The following ZNF385D variants were observed in gnomAD, a reference collection of about 807,000 sequenced individuals.
ZNF385D encodes zinc finger protein 659.
Under a neutral mutation model 35.8 loss-of-function variants are expected in ZNF385D, and 15 were observed. The ratio of observed to expected loss-of-function variants is 0.42; its 90% CI spans 0.28 to 0.64. The LOEUF (loss-of-function observed/expected upper bound fraction) is 0.64, where lower values mean the gene tolerates loss of function less well. ZNF385D is among the 30% of genes least tolerant of loss of function. The pLI is 0.23. For synonymous variants in ZNF385D, 212 were observed against 186.8 expected, an observed-to-expected ratio of 1.13 and a Z score of -1.10; for missense variants, 474 against 494.6, an observed-to-expected ratio of 0.96 and a Z score of 0.39.
In ZNF385D at chr3:21,420,337, T is replaced by G. The variant is rs1158792001; in HGVS notation, c.*877A>C. On this transcript the variant is annotated 3_prime_UTR_variant, in exon 8 of 8. Transcript: ENST00000281523. ...CCTTGAAATAGAAGAGTTGTATTGA[T>G]TTCTTTCTTAACACTCATGATGCAT... 1 of 152,210 alleles carries G rather than the reference T, an allele frequency of 6.6e-6. No homozygotes were observed. The highest frequency in any genetic ancestry group is 1.5e-5 in the Non-Finnish European group (1 of 68,022). 9.4% of individuals were successfully genotyped at this position (152,210 alleles called of 1,614,324 possible).
At chr3:22,122,400 T>C (rs1017926763) in intron 3 of ZNF385D, among the ~76,000 whole-genome samples, 5 of 152,100 alleles carry the variant, frequency 3.3e-5, no homozygotes, top group Admixed American at 6.6e-5. Context: ...CCAATAATAG[T>C]ATTTTCTCAA....
chr3:22,128,515 T>C (rs534655832), intron 3 of ZNF385D, among the ~76,000 whole-genome samples: 5 of 152,318 alleles, frequency 3.3e-5, no homozygotes, highest in Middle Eastern at 6.8e-3. Context: ...ACTCTTATGT[T>C]TGCACTTTTT....
At chr3:22,214,080 G>A (rs1467637210) in intron 2 of ZNF385D, among the ~76,000 whole-genome samples, 1 of 152,020 alleles carries the variant, frequency 6.6e-6, no homozygotes, top group Non-Finnish European at 1.5e-5. Context: ...TTCGAACGGA[G>A]GGACTGGCTG....
exon 3 of ZNF385D, chr3:22,168,945 T>C (rs548192346): frequency 1.0e-6 from 1 of 985,760 alleles, no homozygotes; most frequent in Non-Finnish European, 1.2e-6. Context: ...CAAAGTAAAG[T>C]TGGTATGTTT....
intron 2 of ZNF385D, among the ~76,000 whole-genome samples, chr3:22,221,807 G>C (rs1038843971): frequency 2.0e-5 from 3 of 151,984 alleles, no homozygotes; most frequent in Non-Finnish European, 2.9e-5. Flanking sequence ...ATTTATCTTT[G>C]TGTGGTTAAG....
rs1372151630 is a variant in ZNF385D at position 22,244,816 on chromosome 3, T to C, written c.107-75781A>G. On this transcript the variant is annotated intron_variant, in intron 2 of 5. Coordinates refer to the ZNF385D transcript ENST00000494108. The stretch of plus-strand genomic sequence containing the variant: ...ATTTATTATTTTGGGGGAATTTTTT[T>C]CCTTGATTTTTTTTTTCTCATCTGC... Among the ~76,000 whole-genome samples, 4 of 146,798 alleles carry C rather than the reference T, an allele frequency of 2.7e-5. 1 individual carries two copies. Among genetic ancestry groups the C allele is most frequent in the Non-Finnish European group, 6.0e-5 (4 of 67,116 alleles).
chr3:21,920,167 T>C (rs967798341), intron 3 of ZNF385D, among the ~76,000 whole-genome samples: 5 of 152,210 alleles, frequency 3.3e-5, no homozygotes, highest in African/African-American at 1.2e-4. Context: ...GATTAAACTA[T>C]GTACCATCTG....
At chr3:22,226,488 G>T (rs755922862) in intron 2 of ZNF385D, among the ~76,000 whole-genome samples, 8 of 152,116 alleles carry the variant, frequency 5.3e-5, no homozygotes, top group Non-Finnish European at 1.0e-4. Context: ...CAGCTGTTTT[G>T]TTCTCCTATC....
chr3:21,971,332 G>A (rs745472138), intron 3 of ZNF385D, among the ~76,000 whole-genome samples: 1 of 151,956 alleles, frequency 6.6e-6, no homozygotes, highest in Non-Finnish European at 1.5e-5. Context: ...TGATGTTAAA[G>A]TGCAGAATTT....
chr3:22,310,981 A>T (rs1273980501), intron 2 of ZNF385D, among the ~76,000 whole-genome samples: 2 of 151,832 alleles, frequency 1.3e-5, no homozygotes, highest in Non-Finnish European at 2.9e-5. Flanking sequence ...AAAATTTATC[A>T]ATCTTTTCCT....
chr3:21,744,195 TGTCTACTTCCCAC>T (rs2069653830), intron 1 of ZNF385D, among the ~76,000 whole-genome samples: 2 of 152,230 alleles, frequency 1.3e-5, no homozygotes, highest in African/African-American at 2.4e-5. Context: ...AATTATATTT[TGTCTACTTCCCAC>T]AATGGGTCAT....
intron 3 of ZNF385D, among the ~76,000 whole-genome samples, chr3:22,016,321 A>G (rs1383091): frequency 0.24 from 36,990 of 151,922 alleles, 5,104 homozygotes; most frequent in East Asian, 0.45. Context: ...CTCAGCAAAG[A>G]TTTACCTAGC....
chr3:22,333,933 T>C (rs533839160), intron 2 of ZNF385D, among the ~76,000 whole-genome samples: 1 of 152,210 alleles, frequency 6.6e-6, no homozygotes, highest in African/African-American at 2.4e-5. Context: ...CTTTTCAAAG[T>C]CCTCAGATAC....
chr3:21,501,515 A>T (rs1706365107), intron 4 of ZNF385D, among the ~76,000 whole-genome samples: 1 of 152,166 alleles, frequency 6.6e-6, no homozygotes, highest in South Asian at 2.1e-4. Context: ...GAAATGTACT[A>T]TTTGCATGTT....
intron 3 of ZNF385D, among the ~76,000 whole-genome samples, chr3:22,132,417 T>C (rs1169284213): frequency 6.6e-6 from 1 of 152,140 alleles, no homozygotes; most frequent in East Asian, 1.9e-4. Context: ...ACCCAGTTTA[T>C]GATATTTTGT....
At chr3:21,567,796 C>CTGAG (rs960998844) in intron 2 of ZNF385D, among the ~76,000 whole-genome samples, 2 of 152,204 alleles carry the variant, frequency 1.3e-5, no homozygotes, top group African/African-American at 4.8e-5. Flanking sequence ...ATACATACTG[C>CTGAG]TGAGTTTTTA....
At chr3:21,421,548 T>C (rs1700740109) in intron 7 of ZNF385D, 101 bp from the exon 8 acceptor site, 1 of 732,142 alleles carries the variant, frequency 1.4e-6, no homozygotes, top group Non-Finnish European at 2.2e-6. Context: ...AGTAAACAAC[T>C]ATAAAGAAAA....
At chr3:21,795,015 T>G (rs1490009029) in intron 3 of ZNF385D, among the ~76,000 whole-genome samples, 4 of 152,244 alleles carry the variant, frequency 2.6e-5, no homozygotes, top group Non-Finnish European at 5.9e-5. Flanking sequence ...TCATAGTCAG[T>G]GTCCGCTGTA....
upstream of ZNF385D, among the ~76,000 whole-genome samples, chr3:21,753,786 T>A (rs1198027313): frequency 9.1e-6 from 1 of 109,292 alleles, no homozygotes; most frequent in Non-Finnish European, 1.8e-5. Flanking sequence ...GTTGTTGTTG[T>A]TGTTGTGTGT....
Sources: allele counts gnomAD v4.1 joint callset (sites outside exome capture counted in the v4.1 genomes callset), GRCh38; gene constraint gnomAD v4.1.1; transcripts MANE v1.5; gene names NCBI Gene and HGNC (gene_info 2026-07-23, HGNC 2026-07-21).